USP17L2: variants seen among roughly 807,000 people sequenced by gnomAD.
USP17L2 encodes ubiquitin specific peptidase 17 like family member 2, also known as ubiquitin carboxyl-terminal hydrolase 17.
USP17L2 carries 29 observed loss-of-function variants against 39.8 expected under a neutral mutation model. The ratio of observed to expected loss-of-function variants is 0.73; its 90% CI spans 0.54 to 0.99. The LOEUF (loss-of-function observed/expected upper bound fraction) is 0.99, where lower values mean the gene tolerates loss of function less well. USP17L2 is among the 50% of genes least tolerant of loss of function. USP17L2 has a pLI of 0.00. For synonymous variants in USP17L2, 231 were observed against 252.7 expected (o/e 0.91, Z 0.81); for missense variants, 567 against 647.2 (o/e 0.88, Z 1.35).
chr8:12,137,080 T>A lies in USP17L2; in HGVS notation c.*88A>T, dbSNP rs1432046320. On this transcript the variant is annotated 3_prime_UTR_variant, in exon 1 of 1. Coordinates refer to ENST00000333796, the MANE Select transcript of USP17L2 (RefSeq NM_201402.3). ...GACGGTGTTCGTGTTTGTGTGTGTG[T>A]GTGTGTTTGCGTGCGCGCTTGTGGG... The A allele has an allele frequency of 3.7e-6, 5 of 1,367,594 alleles. No individual in the cohort carries two copies. The Admixed American group carries it at 7.3e-5, about 20-fold the overall frequency. 84.7% of individuals were successfully genotyped at this position (1,367,594 alleles called of 1,614,324 possible).
Position 12,137,378 on chromosome 8 carries a change from G to A in USP17L2, c.1383C>T (p.Pro461=), listed in dbSNP as rs542229963. 1.0e-5 allele frequency: 16 copies of A among 1,531,812 alleles called. No individual in the cohort carries two copies. Among genetic ancestry groups the A allele is most frequent in the Middle Eastern group, 2.3e-4 (1 of 4,432 alleles). 94.9% of individuals were successfully genotyped at this position (1,531,812 alleles called of 1,614,324 possible). ...TCGATTGATGAATCACAAGTACGTT[G>A]GGAGGCAGGGTACCTTCGACTTTTC... ...NVRKVEGTLP[P]NVLVIHQSKY... is the part of the protein sequence containing the mutation. The change falls in exon 1 of 1, where the codon CCC becomes CCT. Residue 461 remains proline (P), a synonymous_variant. Coordinates refer to ENST00000333796, the MANE Select transcript of USP17L2 (RefSeq NM_201402.3).
At chr8:12,137,187 GC>G in the USP17L2 span, 12 of 1,530,848 alleles carry the variant, frequency 7.8e-6, 2 homozygotes, top group African/African-American at 1.8e-4. Flanking sequence ...CACAAGCAGA[GC>G]CCTCTTGCTG....
rs1803338299 is a variant in USP17L2 at position 12,138,218 on chromosome 8, C to A, written c.543G>T (p.Lys181Asn). 8.0e-7 allele frequency: 1 copy of A among 1,246,574 alleles called. No homozygotes were observed. Among genetic ancestry groups the A allele is most frequent in the Non-Finnish European group, 1.1e-6 (1 of 887,846 alleles). The allele number at this position is 1,246,574 out of a possible 1,614,324, so 77.2% of individuals were successfully genotyped here. A position where few individuals can be genotyped will look rare whatever the true frequency, so the allele number is the denominator to read the frequency against. The change falls in exon 1 of 1, where the codon AAG (lysine) becomes AAT (asparagine). Residue 181 changes from lysine (K) to asparagine (N), a missense_variant. Around this residue, in one of 6 missense-constraint regions of USP17L2, gnomAD observed 67 missense variants for 122.8 expected, o/e 0.55. Coordinates refer to ENST00000333796, the MANE Select transcript of USP17L2 (RefSeq NM_201402.3). ...TGTCCTTAGAGTGATGATCTACCTG[C>A]TTGTGGCCGGGAAGGCATGCCTTTT... is the stretch of plus-strand genomic sequence containing the variant. ...AMKKACLPGH[K>N]QVDHHSKDTT...
At position 12,138,614 on chromosome 8, in the gene USP17L2, G is replaced by C. The variant is rs201082219; in HGVS notation, c.147C>G (p.Val49=). 1.3e-5 allele frequency: 20 copies of C among 1,530,564 alleles called. No homozygotes were observed. The highest frequency in any genetic ancestry group is 2.5e-5 in the South Asian group (2 of 81,302). The allele number at this position is 1,530,564 out of a possible 1,614,324, so 94.8% of individuals were successfully genotyped here. A position where few individuals can be genotyped will look rare whatever the true frequency, so the allele number is the denominator to read the frequency against. Residue 49 remains valine (V), a synonymous_variant, in exon 1 of 1, where the codon GTC becomes GTG. Coordinates refer to ENST00000333796, the MANE Select transcript of USP17L2 (RefSeq NM_201402.3). ...EKSPLSSEAR[V]DLCDDLAPVA... ...CAGGAGCCAAATCATCACAGAGGTC[G>C]ACACGGGCCTCAGATGAGAGTGGTG... is the stretch of plus-strand genomic sequence containing the variant.
In USP17L2 at chr8:12,137,790, A is replaced by G. The variant is rs1224376158; in HGVS notation, c.971T>C (p.Val324Ala). Residue 324 changes from valine to alanine, a missense_variant, in exon 1 of 1, where the codon GTC (valine) becomes GCC (alanine). Around this residue, in one of 6 missense-constraint regions of USP17L2, gnomAD observed 304 missense variants for 254.7 expected, o/e 1.19. Transcript: ENST00000333796. ...PLVYVLYAVL[V>A]HAGWSCHDGH... Reference sequence around the variant, plus strand: ...GTCGTGACAACTCCACCCAGCGTGGACCAGCACAGCATAGAGGACATAGAC... The same window carrying G: ...GTCGTGACAACTCCACCCAGCGTGGGCCAGCACAGCATAGAGGACATAGAC... The G allele has an allele frequency of 6.7e-7, 1 of 1,489,356 alleles. No homozygotes were observed. Among genetic ancestry groups the G allele is most frequent in the Non-Finnish European group, 9.1e-7 (1 of 1,096,562 alleles). The allele number at this position is 1,489,356 out of a possible 1,614,324, so 92.3% of individuals were successfully genotyped here. A position where few individuals can be genotyped will look rare whatever the true frequency, so the allele number is the denominator to read the frequency against.
chr8:12,137,999 G>A lies in USP17L2; in HGVS notation c.762C>T (p.Cys254=), dbSNP rs62493708. The change falls in exon 1 of 1, where the codon TGC becomes TGT. Residue 254 remains cysteine (C), a synonymous_variant. Coordinates refer to ENST00000333796, the MANE Select transcript of USP17L2 (RefSeq NM_201402.3). ...EELNGENAYH[C]GLCLQRAPAS... Reference sequence around the variant, plus strand: ...CCGGCGCCCTCTGGAGACAAAGACCGCAATGATAGGCATTCTCTCCATTGA... The same window carrying A: ...CCGGCGCCCTCTGGAGACAAAGACCACAATGATAGGCATTCTCTCCATTGA... 6.7e-3 allele frequency: 9,874 copies of A among 1,466,202 alleles called. 745 individuals carry two copies. The African/African-American group carries it at 0.13, about 20-fold the overall frequency. The allele number at this position is 1,466,202 out of a possible 1,614,324, so 90.8% of individuals were successfully genotyped here.
Position 12,137,503 on chromosome 8 carries a change from A to T in USP17L2, c.1258T>A (p.Leu420Met), listed in dbSNP as rs746721885. The change falls in exon 1 of 1, where the codon TTG becomes ATG. Residue 420 changes from leucine to methionine, a missense_variant. By Grantham distance (15) the Leu-to-Met change is conservative. This residue lies in a region of USP17L2 where 304 missense variants were observed against 254.7 expected (regional missense o/e 1.19). Transcript: ENST00000333796. Reference sequence around the variant, plus strand: ...GCTCTTTCCACCAAGCGCTCGTCCAACTCGGGTGCCTGGAGGCAGGGGTGG... The same window carrying T: ...GCTCTTTCCACCAAGCGCTCGTCCATCTCGGGTGCCTGGAGGCAGGGGTGG... Reference protein sequence around the residue: ...RDHPCLQAPELDERLVERATQ... With the variant: ...RDHPCLQAPEMDERLVERATQ... 3.3e-6 allele frequency: 5 copies of T among 1,532,052 alleles called. 2 individuals carry two copies. Among genetic ancestry groups the T allele is most frequent in the Non-Finnish European group, 2.6e-6 (3 of 1,134,878 alleles). 94.9% of individuals were successfully genotyped at this position (1,532,052 alleles called of 1,614,324 possible).
Position 12,137,100 on chromosome 8 carries a change from TGTG to T in USP17L2, c.*65_*67del. 1.4e-6 allele frequency: 2 copies of T among 1,453,528 alleles called. No homozygotes were observed. Among genetic ancestry groups the T allele is most frequent in the Non-Finnish European group, 1.9e-6 (2 of 1,066,816 alleles). 90.0% of individuals were successfully genotyped at this position (1,453,528 alleles called of 1,614,324 possible). On this transcript the variant is annotated 3_prime_UTR_variant, in exon 1 of 1. Coordinates refer to ENST00000333796, the MANE Select transcript of USP17L2 (RefSeq NM_201402.3). The stretch of plus-strand genomic sequence containing the variant: ...GTGTGTGTGTGTTTGCGTGCGCGCT[TGTG>T]GGTGTATTTGTGCGTGTGTGTGTGT...
In USP17L2 at chr8:12,137,297, G is replaced by T. The variant is rs1178147227; in HGVS notation, c.1464C>A (p.Asn488Lys). The T allele has an allele frequency of 3.3e-6, 5 of 1,531,216 alleles. 1 individual carries two copies. Among genetic ancestry groups the T allele is most frequent in the African/African-American group, 2.9e-5 (2 of 68,126 alleles). 94.9% of individuals were successfully genotyped at this position (1,531,216 alleles called of 1,614,324 possible). A position where few individuals can be genotyped will look rare whatever the true frequency, so the allele number is the denominator to read the frequency against. The stretch of plus-strand genomic sequence containing the variant: ...GATCTGTCCGGGTCGTCGAAGAGAG[G>T]TTTAGCAGGGAGCTTTGCTGTTCAG... Reference protein sequence around the residue: ...HHPEQQSSLLNLSSTTRTDQE... With the variant: ...HHPEQQSSLLKLSSTTRTDQE... Residue 488 changes from asparagine (N) to lysine (K), a missense_variant, in exon 1 of 1, where the codon AAC (asparagine) becomes AAA (lysine). Around this residue, in one of 6 missense-constraint regions of USP17L2, gnomAD observed 304 missense variants for 254.7 expected, o/e 1.19. Transcript: ENST00000333796.
rs1385195851 is a variant in USP17L2, at chr8:12,136,755, T to C, written c.*413A>G. ...GCCACATGAGCAAAATTTCACCTTC[T>C]CGTGCCGCCCAACAACTGACGAATG... On this transcript the variant is annotated 3_prime_UTR_variant, in exon 1 of 1. Coordinates refer to ENST00000333796, the MANE Select transcript of USP17L2 (RefSeq NM_201402.3). Among the ~76,000 whole-genome samples the C allele has an allele frequency of 5.0e-5, 7 of 140,598 alleles. 1 individual carries two copies. The highest frequency in any genetic ancestry group is 1.1e-4 in the African/African-American group (4 of 37,350). 92.2% of individuals were successfully genotyped at this position (140,598 alleles called of 152,430 possible). A position where few individuals can be genotyped will look rare whatever the true frequency, so the allele number is the denominator to read the frequency against.
At position 12,138,619 on chromosome 8, in the gene USP17L2, G is replaced by A. The variant is rs765134057; in HGVS notation, c.142C>T (p.Arg48Cys). The change falls in exon 1 of 1, where the codon CGT becomes TGT. Residue 48 changes from arginine (R) to cysteine (C), a missense_variant. Physicochemically the swap from Arg to Cys is radical, Grantham distance 180 (BLOSUM62 -3). This residue lies in a region of USP17L2 where 120 missense variants were observed against 111.0 expected (regional missense o/e 1.08). Transcript: ENST00000333796. ...PEKSPLSSEA[R>C]VDLCDDLAPV... ...GCCAAATCATCACAGAGGTCGACAC[G>A]GGCCTCAGATGAGAGTGGTGACTTC... 33 of 1,530,560 alleles carry A rather than the reference G, an allele frequency of 2.2e-5. 5 individuals are homozygous for A. In the East Asian group the frequency reaches 3.4e-4, roughly 16 times the overall value. 94.8% of individuals were successfully genotyped at this position (1,530,560 alleles called of 1,614,324 possible).
chr8:12,138,526 C>A lies in USP17L2; in HGVS notation c.235G>T (p.Gly79Trp). The change falls in exon 1 of 1, where the codon GGG (glycine) becomes TGG (tryptophan). Residue 79 changes from glycine to tryptophan, a missense_variant. By Grantham distance (184) the Gly-to-Trp change is radical (BLOSUM62 -2). This residue lies in a region of USP17L2 where 120 missense variants were observed against 111.0 expected (regional missense o/e 1.08). Transcript: ENST00000333796. ...PLSSRRPAAV[G>W]AGLQNMGNTC... ...TTTCCCATATTCTGGAGCCCAGCCCCCACCGCAGCAGGTCTCCTGCTACTC... is the reference window on the plus strand; with the variant it reads ...TTTCCCATATTCTGGAGCCCAGCCCACACCGCAGCAGGTCTCCTGCTACTC... 1.3e-6 allele frequency: 2 copies of A among 1,536,126 alleles called. No homozygotes were observed. Among genetic ancestry groups the A allele is most frequent in the Non-Finnish European group, 1.8e-6 (2 of 1,136,368 alleles).
Position 12,137,511 on chromosome 8 carries a change from G to A in USP17L2, c.1250C>T (p.Ala417Val), listed in dbSNP as rs767957085. The change falls in exon 1 of 1, where the codon GCA (alanine) becomes GTA (valine). Residue 417 changes from alanine to valine, a missense_variant. Ala to Val is a moderately conservative substitution (Grantham distance 64). Around this residue, in one of 6 missense-constraint regions of USP17L2, gnomAD observed 304 missense variants for 254.7 expected, o/e 1.19. Transcript: ENST00000333796. ...CACCAAGCGCTCGTCCAACTCGGGT[G>A]CCTGGAGGCAGGGGTGGTCTCTCTT... Reference protein sequence around the residue: ...ELKRDHPCLQAPELDERLVER... With the variant: ...ELKRDHPCLQVPELDERLVER... The A allele has an allele frequency of 3.5e-5, 53 of 1,532,862 alleles. 10 individuals carry two copies. The highest frequency in any genetic ancestry group is 1.3e-4 in the African/African-American group (9 of 68,206). The allele number at this position is 1,532,862 out of a possible 1,614,324, so 95.0% of individuals were successfully genotyped here.
Position 12,138,844 on chromosome 8 carries a change from A to G in USP17L2, c.-84T>C, listed in dbSNP as rs1369551144. 3.5e-5 allele frequency: 34 copies of G among 974,880 alleles called. 3 individuals are homozygous for G. Among genetic ancestry groups the G allele is most frequent in the Non-Finnish European group, 4.7e-5 (30 of 642,694 alleles). The allele number at this position is 974,880 out of a possible 1,614,324, so 60.4% of individuals were successfully genotyped here. A position where few individuals can be genotyped will look rare whatever the true frequency, so the allele number is the denominator to read the frequency against. The stretch of plus-strand genomic sequence containing the variant: ...GCTATCTCTTCCAAGAGAGTCTTCA[A>G]ATGACGAGCTCTCTGGCCGCATCAG... On this transcript the variant is annotated 5_prime_UTR_variant, in exon 1 of 1. Coordinates refer to ENST00000333796, the MANE Select transcript of USP17L2 (RefSeq NM_201402.3).
Position 12,138,636 on chromosome 8 carries a change from G to C in USP17L2, c.125C>G (p.Pro42Arg), listed in dbSNP as rs749953151. 6.5e-6 allele frequency: 10 copies of C among 1,529,524 alleles called. 2 individuals carry two copies. The highest frequency in any genetic ancestry group is 8.8e-6 in the Non-Finnish European group (10 of 1,133,606). The allele number at this position is 1,529,524 out of a possible 1,614,324, so 94.7% of individuals were successfully genotyped here. Residue 42 changes from proline to arginine, a missense_variant, in exon 1 of 1, where the codon CCA becomes CGA. Transcript: ENST00000333796. Reference protein sequence around the residue: ...IQRTSLPEKSPLSSEARVDLC... With the variant: ...IQRTSLPEKSRLSSEARVDLC... The stretch of plus-strand genomic sequence containing the variant: ...GTCGACACGGGCCTCAGATGAGAGT[G>C]GTGACTTCTCAGGGAGAGAAGTCCG...
At position 12,136,848 on chromosome 8, in the gene USP17L2, C is replaced by A. The variant is rs1170319263; in HGVS notation, c.*320G>T. Among the ~76,000 whole-genome samples the A allele has an allele frequency of 2.1e-5, 3 of 140,444 alleles. 1 individual carries two copies. The highest frequency in any genetic ancestry group is 8.0e-5 in the African/African-American group (3 of 37,274). 92.1% of individuals were successfully genotyped at this position (140,444 alleles called of 152,430 possible). A position where few individuals can be genotyped will look rare whatever the true frequency, so the allele number is the denominator to read the frequency against. On this transcript the variant is annotated 3_prime_UTR_variant, in exon 1 of 1. Transcript: ENST00000333796. ...TAACCTCACACTCAAACCTACACGTCAGTAGGTCATATTCAGAAATACACA... is the reference window on the plus strand; with the variant it reads ...TAACCTCACACTCAAACCTACACGTAAGTAGGTCATATTCAGAAATACACA...
rs373357797 is a variant in USP17L2 at position 12,137,361 on chromosome 8, T to C, written c.1400A>G (p.His467Arg). 9 of 1,531,560 alleles carry C rather than the reference T, an allele frequency of 5.9e-6. 1 individual carries two copies. The African/African-American group carries it at 8.8e-5, about 15-fold the overall frequency. 94.9% of individuals were successfully genotyped at this position (1,531,560 alleles called of 1,614,324 possible). A position where few individuals can be genotyped will look rare whatever the true frequency, so the allele number is the denominator to read the frequency against. Residue 467 changes from histidine to arginine, a missense_variant, in exon 1 of 1, where the codon CAT (histidine) becomes CGT (arginine). This residue lies in a region of USP17L2 where 304 missense variants were observed against 254.7 expected (regional missense o/e 1.19). Transcript: ENST00000333796. ...CATCCCACACTTGTATTTCGATTGA[T>C]GAATCACAAGTACGTTGGGAGGCAG... is the stretch of plus-strand genomic sequence containing the variant. The part of the protein sequence containing the change: ...GTLPPNVLVI[H>R]QSKYKCGMKN...
At position 12,137,573 on chromosome 8, in the gene USP17L2, A is replaced by C; in HGVS notation, c.1188T>G (p.Ala396=). The change falls in exon 1 of 1, where the codon GCT becomes GCG. Residue 396 remains alanine, a synonymous_variant. Transcript: ENST00000333796. ...SRGREPRALG[A]EDTDRRATQG... The stretch of plus-strand genomic sequence containing the variant: ...GCGTTGCTCGCCTGTCTGTGTCTTC[A>C]GCGCCGAGGGCTCTTGGTTCCCTGC... 21 of 1,531,582 alleles carry C rather than the reference A, an allele frequency of 1.4e-5. 1 individual carries two copies. The highest frequency in any genetic ancestry group is 1.8e-5 in the Non-Finnish European group (20 of 1,133,644). 94.9% of individuals were successfully genotyped at this position (1,531,582 alleles called of 1,614,324 possible). A position where few individuals can be genotyped will look rare whatever the true frequency, so the allele number is the denominator to read the frequency against.
rs1803296873 is a variant in USP17L2, at chr8:12,137,653, G to A, written c.1108C>T (p.Leu370Phe). The change falls in exon 1 of 1, where the codon CTC becomes TTC. Residue 370 changes from leucine (L) to phenylalanine (F), a missense_variant. Leu to Phe is a conservative substitution (Grantham distance 22). Around this residue, in one of 6 missense-constraint regions of USP17L2, gnomAD observed 304 missense variants for 254.7 expected, o/e 1.19. Transcript: ENST00000333796. ...TSVLSQQAYV[L>F]FYIQKSEWER... is the part of the protein sequence containing the mutation. ...CATTCACTCTTCTGGATGTAAAAGA[G>A]GACATAGGCCTGTTGACTCAGGACA... 1.3e-6 allele frequency: 2 copies of A among 1,530,408 alleles called. No homozygotes were observed. The highest frequency in any genetic ancestry group is 1.8e-6 in the Non-Finnish European group (2 of 1,132,056). 94.8% of individuals were successfully genotyped at this position (1,530,408 alleles called of 1,614,324 possible). A position where few individuals can be genotyped will look rare whatever the true frequency, so the allele number is the denominator to read the frequency against.
Sources: gnomAD v4.1 joint callset for allele counts (sites outside exome capture counted in the v4.1 genomes callset) on GRCh38, gnomAD v4.1.1 for gene constraint, gnomAD v4.1.1 regional missense constraint, MANE v1.5 for transcripts, NCBI Gene and HGNC (gene_info 2026-07-23, HGNC 2026-07-21) for gene names.